IL1RAPL1: variants seen among roughly 807,000 people sequenced by gnomAD.
The protein encoded by IL1RAPL1 is interleukin 1 receptor accessory protein like 1, also known as interleukin-1 receptor accessory protein-like 1.
In IL1RAPL1, 3 loss-of-function variants were observed where a neutral mutation model predicts 48.4. The observed-to-expected ratio is 0.06, with a 90% confidence interval of 0.03 to 0.16. IL1RAPL1 has a LOEUF of 0.16. Ranked by LOEUF, IL1RAPL1 falls within the 10% of genes least tolerant of loss-of-function variation. IL1RAPL1 has a pLI of 1.00. For synonymous variants in IL1RAPL1, 185 were observed against 187.7 expected, an observed-to-expected ratio of 0.99 and a Z score of 0.12; for missense variants, 349 against 530.6, an observed-to-expected ratio of 0.66 and a Z score of 3.36.
intron 2 of IL1RAPL1, among the ~76,000 whole-genome samples, chrX:29,063,067 A>G: frequency 9.0e-6 from 1 of 111,303 alleles, no homozygotes; most frequent in Non-Finnish European, 1.9e-5. Context: ...TTTTCTTCAT[A>G]AGTGGAGATT....
At chrX:29,281,377 G>A (rs946318370) in intron 2 of IL1RAPL1, among the ~76,000 whole-genome samples, 1 of 111,611 alleles carries the variant, frequency 9.0e-6, no homozygotes, top group Non-Finnish European at 1.9e-5. Flanking sequence ...TGATGTACCT[G>A]CCCTATGGGG....
intron 5 of IL1RAPL1, among the ~76,000 whole-genome samples, chrX:29,469,346 G>A (rs1054297110): frequency 1.8e-5 from 2 of 112,006 alleles, no homozygotes; most frequent in Non-Finnish European, 3.8e-5. Context: ...TGGCTCTGAT[G>A]AAGTTGAGTT....
intron 1 of IL1RAPL1, among the ~76,000 whole-genome samples, chrX:28,657,765 C>T (rs1934765237): frequency 8.9e-6 from 1 of 111,846 alleles, no homozygotes; most frequent in African/African-American, 3.3e-5. Context: ...CCCCCTCTAA[C>T]CCTGTCCTTG....
At chrX:28,652,383 G>A (rs1367176232) in intron 1 of IL1RAPL1, among the ~76,000 whole-genome samples, 1 of 111,997 alleles carries the variant, frequency 8.9e-6, no homozygotes, top group Non-Finnish European at 1.9e-5. Flanking sequence ...AAGATGAAGG[G>A]AGGGTGGATG....
intron 2 of IL1RAPL1, among the ~76,000 whole-genome samples, chrX:29,124,597 A>G (rs929383310): frequency 1.8e-5 from 2 of 112,189 alleles, no homozygotes; most frequent in Non-Finnish European, 3.8e-5. Context: ...GGTTCTGGCA[A>G]GGGTTTGTAA....
chrX:28,735,115 C>T (rs1488350925), intron 1 of IL1RAPL1, among the ~76,000 whole-genome samples: 1 of 111,815 alleles, frequency 8.9e-6, no homozygotes, highest in African/African-American at 3.3e-5. Flanking sequence ...ACATTCTTGC[C>T]AACTGTGATT....
chrX:28,812,068 G>A (rs1453221047), intron 2 of IL1RAPL1, among the ~76,000 whole-genome samples: 2 of 110,581 alleles, frequency 1.8e-5, no homozygotes, highest in Non-Finnish European at 3.8e-5. Context: ...TCCTTCTGCA[G>A]GATTCCAGGG....
intron 1 of IL1RAPL1, among the ~76,000 whole-genome samples, chrX:28,589,853 G>A (rs920236716): frequency 9.0e-6 from 1 of 111,329 alleles, no homozygotes; most frequent in African/African-American, 3.3e-5. Flanking sequence ...TGGGAAAAGA[G>A]AAGTAAAAGC....
At chrX:29,307,933 T>C (rs1291060562) in intron 3 of IL1RAPL1, among the ~76,000 whole-genome samples, 3 of 112,290 alleles carry the variant, frequency 2.7e-5, no homozygotes, top group Non-Finnish European at 5.6e-5. Context: ...TTTTAAAATC[T>C]TTAGAAAGAA....
chrX:29,365,538 A>G (rs1933440512), intron 3 of IL1RAPL1, among the ~76,000 whole-genome samples: 1 of 108,207 alleles, frequency 9.2e-6, no homozygotes, highest in African/African-American at 3.4e-5. Context: ...TCTACTAAAA[A>G]CACAAAAAAA....
rs1457074805 is a variant in IL1RAPL1 at position 29,359,094 on chromosome X, T to A, written c.363-37164T>A. On this transcript the variant is annotated intron_variant, in intron 3 of 10. Transcript: ENST00000378993. ...ATTAGGCAAACATACTCCAAAAGTTTATTTTAGCAAAACGTGGTTTATATA... is the reference window on the plus strand; with the variant it reads ...ATTAGGCAAACATACTCCAAAAGTTAATTTTAGCAAAACGTGGTTTATATA... Among the ~76,000 whole-genome samples, 33 of 111,923 alleles carry A rather than the reference T, an allele frequency of 2.9e-4. No individual in the cohort carries two copies. In the Admixed American group the frequency reaches 3.1e-3, roughly 11 times the overall value.
intron 5 of IL1RAPL1, among the ~76,000 whole-genome samples, chrX:29,442,439 A>G (rs1184299025): frequency 3.6e-5 from 4 of 111,609 alleles, no homozygotes; most frequent in Non-Finnish European, 5.6e-5. Flanking sequence ...AAATCTCACA[A>G]ATCACCACTA....
At chrX:29,617,782 C>A (rs1370147606) in intron 5 of IL1RAPL1, among the ~76,000 whole-genome samples, 2 of 111,710 alleles carry the variant, frequency 1.8e-5, no homozygotes, top group African/African-American at 6.5e-5. Context: ...AGTAAGAATG[C>A]CCGAGGTAGT....
At chrX:29,633,502 C>T (rs762628259) in intron 5 of IL1RAPL1, among the ~76,000 whole-genome samples, 24 of 104,801 alleles carry the variant, frequency 2.3e-4, no homozygotes, top group South Asian at 8.1e-4. Context: ...CACACACACA[C>T]ATATATATGA....
chrX:29,341,425 A>T (rs770058579), intron 3 of IL1RAPL1, among the ~76,000 whole-genome samples: 1 of 112,336 alleles, frequency 8.9e-6, no homozygotes, highest in Admixed American at 9.4e-5. Flanking sequence ...TAAAAATATA[A>T]TCTTTATAGA....
intron 3 of IL1RAPL1, among the ~76,000 whole-genome samples, chrX:29,382,379 C>T (rs1293940463): frequency 1.8e-5 from 2 of 111,775 alleles, no homozygotes; most frequent in Non-Finnish European, 3.8e-5. Context: ...CAGTTGTTTC[C>T]TATGAGAAGA....
chrX:29,593,277 G>T (rs915413302), intron 5 of IL1RAPL1, among the ~76,000 whole-genome samples: 1 of 111,568 alleles, frequency 9.0e-6, no homozygotes, highest in African/African-American at 3.3e-5. Context: ...GATGTCATTG[G>T]TGACACTGGG....
At chrX:29,129,370 T>C (rs912785015) in intron 2 of IL1RAPL1, among the ~76,000 whole-genome samples, 3 of 110,813 alleles carry the variant, frequency 2.7e-5, no homozygotes, top group African/African-American at 9.8e-5. Context: ...ATCAGTGTTT[T>C]AGATATGAAT....
intron 6 of IL1RAPL1, among the ~76,000 whole-genome samples, chrX:29,913,901 G>A (rs967976614): frequency 4.1e-5 from 3 of 73,396 alleles, no homozygotes; most frequent in South Asian, 5.6e-4. Flanking sequence ...CTTGCCCCTC[G>A]TCTACACTTT....
Sources: allele counts gnomAD v4.1 joint callset (sites outside exome capture counted in the v4.1 genomes callset), GRCh38; gene constraint gnomAD v4.1.1; transcripts MANE v1.5; gene names NCBI Gene and HGNC (gene_info 2026-07-23, HGNC 2026-07-21).